PALM2AKAP2: variants seen among roughly 807,000 people sequenced by gnomAD.
PALM2AKAP2 encodes the protein PALM2-AKAP2 fusion protein.
A neutral mutation model predicts 71.5 loss-of-function variants in PALM2AKAP2; 37 were observed. The observed-to-expected ratio is 0.52, with a 90% CI of 0.40 to 0.68. The LOEUF (loss-of-function observed/expected upper bound fraction) is 0.68. Among genes scored for constraint, PALM2AKAP2 ranks in the 30% least tolerant of loss-of-function variants. The pLI, the probability that PALM2AKAP2 is intolerant of heterozygous loss-of-function variation, is 0.00. For missense variants in PALM2AKAP2, 1,224 were observed against 1,191.8 expected, an observed-to-expected ratio of 1.03 and a Z score of -0.40; for synonymous variants, 468 against 478.8, an observed-to-expected ratio of 0.98 and a Z score of 0.29.
chr9:109,865,172 C>T (rs773955868), intron 1 of PALM2AKAP2, among the ~76,000 whole-genome samples: 1 of 124,442 alleles, frequency 8.0e-6, no homozygotes, highest in Non-Finnish European at 1.6e-5. Context: ...GATCTTGGCT[C>T]ATGGCAACCT....
intron 6 of PALM2AKAP2, among the ~76,000 whole-genome samples, chr9:109,990,210 TA>T (rs1253803001): frequency 4.6e-5 from 7 of 151,942 alleles, no homozygotes; most frequent in Admixed American, 4.6e-4. Flanking sequence ...TAACTGGGGT[TA>T]TAGAGCCCAG....
chr9:109,711,391 G>A (rs1335844680), intron 1 of PALM2AKAP2, among the ~76,000 whole-genome samples: 2 of 152,214 alleles, frequency 1.3e-5, no homozygotes, highest in African/African-American at 4.8e-5. Context: ...GGATGAGAGA[G>A]TTACTGGAGT....
intron 1 of PALM2AKAP2, among the ~76,000 whole-genome samples, chr9:110,131,597 C>T (rs945547142): frequency 6.6e-6 from 1 of 152,188 alleles, no homozygotes; most frequent in Non-Finnish European, 1.5e-5. Context: ...ATTTCCAGCC[C>T]ATTTCCATTT....
intron 1 of PALM2AKAP2, among the ~76,000 whole-genome samples, chr9:109,659,999 C>G (rs1173445352): frequency 6.6e-6 from 1 of 151,966 alleles, no homozygotes; most frequent in Non-Finnish European, 1.5e-5. Flanking sequence ...CACTACTGCA[C>G]TCAGCTAATT....
At chr9:109,700,966 A>G (rs996393247) in intron 1 of PALM2AKAP2, among the ~76,000 whole-genome samples, 1 of 152,220 alleles carries the variant, frequency 6.6e-6, no homozygotes, top group African/African-American at 2.4e-5. Flanking sequence ...ATAACAAAGT[A>G]TGGGATATTG....
At chr9:109,897,281 G>A (rs992119450) in intron 3 of PALM2AKAP2, among the ~76,000 whole-genome samples, 1 of 152,140 alleles carries the variant, frequency 6.6e-6, no homozygotes, top group Admixed American at 6.6e-5. Flanking sequence ...TGTATAAATT[G>A]CTTAAAATAG....
intron 6 of PALM2AKAP2, among the ~76,000 whole-genome samples, chr9:109,935,563 A>G (rs76631658): frequency 5.1e-4 from 77 of 152,350 alleles, no homozygotes; most frequent in African/African-American, 1.7e-3. Flanking sequence ...AGAAAAGAAA[A>G]TGAGATTAAT....
chr9:109,973,939 C>T (rs561536137), intron 6 of PALM2AKAP2, among the ~76,000 whole-genome samples: 1 of 152,250 alleles, frequency 6.6e-6, no homozygotes, highest in East Asian at 1.9e-4. Context: ...CTACTATGTG[C>T]CTGGCGCTGT....
chr9:109,714,540 C>T (rs923779381), intron 1 of PALM2AKAP2, among the ~76,000 whole-genome samples: 1 of 152,158 alleles, frequency 6.6e-6, no homozygotes, highest in Admixed American at 6.5e-5. Context: ...TGTTTCCAAC[C>T]ATCCAAGTGG....
chr9:110,125,466 C>CACAGCAGA, intron 1 of PALM2AKAP2: 1 of 979,550 alleles, frequency 1.0e-6, no homozygotes, highest in African/African-American at 1.8e-5. Flanking sequence ...GGAGGGCCCA[C>CACAGCAGA]GGTGACATCA....
chr9:109,867,785 G>A (rs184550688), intron 2 of PALM2AKAP2, among the ~76,000 whole-genome samples: 8 of 152,276 alleles, frequency 5.3e-5, no homozygotes, highest in Non-Finnish European at 1.0e-4. Flanking sequence ...TAAGATTACA[G>A]TGTGCATGTG....
At chr9:109,873,924 T>A (rs966916546) in intron 2 of PALM2AKAP2, among the ~76,000 whole-genome samples, 1 of 152,142 alleles carries the variant, frequency 6.6e-6, no homozygotes, top group African/African-American at 2.4e-5. Context: ...GAGGATCATT[T>A]GAACCTAGGA....
At chr9:109,993,541 G>C (rs1375732508) in intron 6 of PALM2AKAP2, among the ~76,000 whole-genome samples, 3 of 152,168 alleles carry the variant, frequency 2.0e-5, no homozygotes, top group Non-Finnish European at 4.4e-5. Context: ...ACCTCTATGT[G>C]AGTTGCATAA....
chr9:109,942,068 T>C (rs1831382924), intron 6 of PALM2AKAP2, among the ~76,000 whole-genome samples: 1 of 152,322 alleles, frequency 6.6e-6, no homozygotes, highest in East Asian at 1.9e-4. Context: ...GTTACTTCTG[T>C]CTTGTTCTTT....
At chr9:110,141,964 C>T (rs1214266205) in intron 2 of PALM2AKAP2, among the ~76,000 whole-genome samples, 1 of 150,758 alleles carries the variant, frequency 6.6e-6, no homozygotes, top group African/African-American at 2.4e-5. Flanking sequence ...AGTGCTTTTG[C>T]TTTTAAAAGA....
intron 1 of PALM2AKAP2, among the ~76,000 whole-genome samples, chr9:110,123,383 T>C (rs866514991): frequency 1.3e-5 from 2 of 152,216 alleles, no homozygotes; most frequent in South Asian, 2.1e-4. Flanking sequence ...GTGTTCCCTC[T>C]ATGCACATCT....
intron 1 of PALM2AKAP2, among the ~76,000 whole-genome samples, chr9:110,071,376 A>G (rs953211511): frequency 3.9e-4 from 60 of 152,296 alleles, no homozygotes; most frequent in African/African-American, 1.4e-3. Flanking sequence ...TTCTTCTCCC[A>G]AGGAAATGAC....
Position 109,816,192 on chromosome 9 carries a change from G to C in PALM2AKAP2, c.45+35659G>C, listed in dbSNP as rs564020889. 2.6e-5 allele frequency among the ~76,000 whole-genome samples: 4 copies of C among 152,310 alleles called. No individual in the cohort carries two copies. The South Asian group carries it at 6.2e-4, about 24-fold the overall frequency. On this transcript the variant is annotated intron_variant, in intron 1 of 9. Transcript: ENST00000302798. Reference sequence around the variant, plus strand: ...CCTACACTCCAGGGCACCTTATGTAGGTGTTTGATCTTGGGAAATGAGACT... The same window carrying C: ...CCTACACTCCAGGGCACCTTATGTACGTGTTTGATCTTGGGAAATGAGACT...
At chr9:109,862,041 C>T (rs1829324757) in intron 1 of PALM2AKAP2, among the ~76,000 whole-genome samples, 1 of 152,126 alleles carries the variant, frequency 6.6e-6, no homozygotes, top group Admixed American at 6.5e-5. Context: ...GATCCTTGTC[C>T]TCAAGGAGCC....
Sources: allele counts gnomAD v4.1 joint callset (sites outside exome capture counted in the v4.1 genomes callset), GRCh38; gene constraint gnomAD v4.1.1; transcripts MANE v1.5; gene names NCBI Gene and HGNC (gene_info 2026-07-23, HGNC 2026-07-21).